PDE4D: variants seen among roughly 807,000 people sequenced by gnomAD.
The protein encoded by PDE4D is phosphodiesterase 4D.
A neutral mutation model predicts 87.4 loss-of-function variants in PDE4D; 24 were observed. That is an observed-to-expected ratio of 0.27 (90% CI 0.20 to 0.39). The LOEUF is 0.39. Ranked by LOEUF, PDE4D falls within the 10% of genes least tolerant of loss-of-function variation. The pLI, the probability that PDE4D is intolerant of heterozygous loss-of-function variation, is 1.00. For missense variants in PDE4D, 714 were observed against 1,041.0 expected (o/e 0.69, Z 4.32); for synonymous variants, 384 against 383.2 (o/e 1.00, Z -0.02).
At chr5:59,936,226 G>T (rs1215050138) in intron 3 of PDE4D, among the ~76,000 whole-genome samples, 2 of 152,240 alleles carry the variant, frequency 1.3e-5, no homozygotes, top group African/African-American at 4.8e-5. Flanking sequence ...TAGGGGGAAG[G>T]GGGAGGGATA....
chr5:59,554,261 C>T (rs901588550), intron 1 of PDE4D, among the ~76,000 whole-genome samples: 3 of 152,122 alleles, frequency 2.0e-5, no homozygotes, highest in Admixed American at 6.6e-5. Context: ...TTACAGCCTG[C>T]CAGGCACTGT....
chr5:60,424,128 T>C (rs1743414586), intron 1 of PDE4D, among the ~76,000 whole-genome samples: 1 of 152,200 alleles, frequency 6.6e-6, no homozygotes, highest in Non-Finnish European at 1.5e-5. Flanking sequence ...GCTGGTAACA[T>C]TCCTTCTGAA....
chr5:58,992,721 A>G (rs947902196), intron 7 of PDE4D, among the ~76,000 whole-genome samples: 1 of 152,206 alleles, frequency 6.6e-6, no homozygotes, highest in African/African-American at 2.4e-5. Flanking sequence ...GGCAGTGATG[A>G]GCAACTCTAA....
At chr5:59,548,991 G>A (rs1817703352) in intron 1 of PDE4D, among the ~76,000 whole-genome samples, 1 of 152,120 alleles carries the variant, frequency 6.6e-6, no homozygotes, top group Admixed American at 6.6e-5. Flanking sequence ...TATTTTCAAT[G>A]TTCACTCTCT....
intron 3 of PDE4D, among the ~76,000 whole-genome samples, chr5:59,941,937 A>G (rs1397502895): frequency 6.6e-6 from 1 of 152,196 alleles, no homozygotes. Context: ...GCTTAGCCTT[A>G]GCAATGGGTA....
At chr5:60,451,000 C>G (rs1007927134) in intron 1 of PDE4D, among the ~76,000 whole-genome samples, 1 of 151,922 alleles carries the variant, frequency 6.6e-6, no homozygotes, top group African/African-American at 2.4e-5. Flanking sequence ...GAAGATGGGT[C>G]AAAAATAGAA....
chr5:60,286,215 C>T (rs1752402149), intron 1 of PDE4D, among the ~76,000 whole-genome samples: 2 of 152,248 alleles, frequency 1.3e-5, no homozygotes, highest in African/African-American at 4.8e-5. Flanking sequence ...TTGTCTGTTT[C>T]CTTAGTGAGA....
chr5:59,488,691 A>AG (rs1162167689), intron 1 of PDE4D, among the ~76,000 whole-genome samples: 11 of 129,118 alleles, frequency 8.5e-5, no homozygotes, highest in African/African-American at 1.4e-4. Context: ...TTTTTTTTTG[A>AG]GGGGGGGATC....
At chr5:60,358,566 C>T (rs1179875611) in intron 1 of PDE4D, among the ~76,000 whole-genome samples, 1 of 152,124 alleles carries the variant, frequency 6.6e-6, no homozygotes, top group Non-Finnish European at 1.5e-5. Context: ...ACTCATAAGG[C>T]ACTTTACAGG....
chr5:59,215,364 C>T (rs551563773), intron 2 of PDE4D: 4 of 210,080 alleles, frequency 1.9e-5, no homozygotes, highest in East Asian at 1.5e-4. Flanking sequence ...AAATGCTATA[C>T]AGTCTATTAT....
At chr5:60,048,391 A>T (rs1192216281) in intron 2 of PDE4D, among the ~76,000 whole-genome samples, 1 of 151,594 alleles carries the variant, frequency 6.6e-6, no homozygotes, top group Non-Finnish European at 1.5e-5. Flanking sequence ...GTTATGTGTG[A>T]ATTTGGTCCT....
At chr5:59,817,709 C>T (rs1769130630) in intron 1 of PDE4D, among the ~76,000 whole-genome samples, 1 of 151,776 alleles carries the variant, frequency 6.6e-6, no homozygotes, top group African/African-American at 2.4e-5. Flanking sequence ...CCTACACAGG[C>T]ATGCAGGCAC....
chr5:59,136,186 G>T (rs1777049991), intron 5 of PDE4D, among the ~76,000 whole-genome samples: 1 of 152,112 alleles, frequency 6.6e-6, no homozygotes, highest in Admixed American at 6.5e-5. Flanking sequence ...GAGGGAACTG[G>T]CCCATAAATG....
At chr5:60,350,758 CA>C (rs1428061780) in intron 1 of PDE4D, among the ~76,000 whole-genome samples, 1 of 152,124 alleles carries the variant, frequency 6.6e-6, no homozygotes, top group Non-Finnish European at 1.5e-5. Context: ...TTGGGCCAAA[CA>C]AAACATCTTA....
chr5:60,498,327 G>T (rs1285374629), intron 1 of PDE4D, among the ~76,000 whole-genome samples: 1 of 152,130 alleles, frequency 6.6e-6, no homozygotes, highest in Non-Finnish European at 1.5e-5. Flanking sequence ...CCAGCAAACA[G>T]CAGTCCACTG....
chr5:60,241,278 T>C (rs1015041577), intron 1 of PDE4D, among the ~76,000 whole-genome samples: 4 of 147,164 alleles, frequency 2.7e-5, no homozygotes, highest in Non-Finnish European at 6.0e-5. Flanking sequence ...TCTCTTTTTT[T>C]TTTTTTTTTT....
chr5:59,322,883 T>A lies in PDE4D; in HGVS notation c.456-106915A>T, dbSNP rs60374295. Among the ~76,000 whole-genome samples, 511 of 152,246 alleles carry A rather than the reference T, an allele frequency of 3.4e-3. 3 individuals carry two copies. Among genetic ancestry groups the A allele is most frequent in the African/African-American group, 0.011 (470 of 41,572 alleles). On this transcript the variant is annotated intron_variant, in intron 1 of 14. Transcript: ENST00000340635. ...CAACCTGCAGCCTGAAGCAGCACTA[T>A]TCTGACCCATTAGTAGGACTATGAG...
chr5:60,359,262 G>A (rs113100760), intron 1 of PDE4D, among the ~76,000 whole-genome samples: 2 of 152,092 alleles, frequency 1.3e-5, no homozygotes, highest in African/African-American at 4.8e-5. Flanking sequence ...CAAAAAATTG[G>A]CCGGGCATGG....
At chr5:59,393,195 C>T (rs1788589160) in intron 1 of PDE4D, among the ~76,000 whole-genome samples, 1 of 151,712 alleles carries the variant, frequency 6.6e-6, no homozygotes, top group South Asian at 2.1e-4. Context: ...TTGAGTGAAC[C>T]CAAGCAGAGT....
Sources: gnomAD v4.1 joint callset for allele counts (sites outside exome capture counted in the v4.1 genomes callset) on GRCh38, gnomAD v4.1.1 for gene constraint, MANE v1.5 for transcripts, NCBI Gene and HGNC (gene_info 2026-07-23, HGNC 2026-07-21) for gene names.